KLHL13: variants seen among roughly 807,000 people sequenced by gnomAD.
KLHL13 encodes kelch-like protein 13.
Under a neutral mutation model 37.1 loss-of-function variants are expected in KLHL13, and 10 were observed. The observed-to-expected ratio is 0.27, with a 90% CI of 0.17 to 0.46. The LOEUF is 0.46. KLHL13 is among the 20% of genes least tolerant of loss of function. The probability of loss-of-function intolerance (pLI) is 1.00; values close to 1 mark genes in which losing one functional copy is unlikely to be tolerated. For missense variants in KLHL13, 360 were observed against 509.3 expected (o/e 0.71, Z 2.82); for synonymous variants, 163 against 181.2 (o/e 0.90, Z 0.81).
intron 5 of KLHL13, among the ~76,000 whole-genome samples, chrX:117,903,175 AGAGC>A (rs1309543387): frequency 5.5e-4 from 53 of 96,692 alleles, no homozygotes; most frequent in African/African-American, 9.2e-4. Flanking sequence ...GAGAGAGAGG[AGAGC>A]GAGAGAGAGA....
chrX:118,085,842 T>C (rs1432772902), intron 1 of KLHL13, among the ~76,000 whole-genome samples: 1 of 101,967 alleles, frequency 9.8e-6, no homozygotes, highest in Non-Finnish European at 2.0e-5. Context: ...TGTGTGTGTG[T>C]ATCATATATT....
chrX:118,031,488 T>TATATTTAGATATATATATAGATATAC (rs2054341165), intron 1 of KLHL13, among the ~76,000 whole-genome samples: 1 of 94,639 alleles, frequency 1.1e-5, no homozygotes, highest in Non-Finnish European at 2.0e-5. Flanking sequence ...TATAGATATA[T>TATATTTAGATATATATATAGATATAC]ATATTTAGAT....
At chrX:117,919,961 T>C (rs1931600057) in intron 3 of KLHL13, among the ~76,000 whole-genome samples, 1 of 100,884 alleles carries the variant, frequency 9.9e-6, no homozygotes, top group South Asian at 4.4e-4. Flanking sequence ...TTTTTTGACA[T>C]AGAGTAGAGA....
chrX:117,981,318 C>T (rs1013123160), intron 1 of KLHL13, among the ~76,000 whole-genome samples: 1 of 111,928 alleles, frequency 8.9e-6, no homozygotes, highest in Non-Finnish European at 1.9e-5. Flanking sequence ...GAAATCATTT[C>T]TTTTCCTTTA....
intron 2 of KLHL13, among the ~76,000 whole-genome samples, chrX:117,934,962 T>C (rs1932701390): frequency 8.9e-6 from 1 of 111,820 alleles, no homozygotes; most frequent in South Asian, 3.7e-4. Context: ...ATAATAATTT[T>C]AAAAAGACAG....
At chrX:118,089,630 GAAAGAAAGAA>G (rs1396036199) in intron 1 of KLHL13, among the ~76,000 whole-genome samples, 28 of 96,908 alleles carry the variant, frequency 2.9e-4, no homozygotes, top group Admixed American at 2.0e-3. Flanking sequence ...GAGAAAGAAA[GAAAGAAAGAA>G]AGAAAGAAAG....
chrX:118,080,915 G>A (rs184484703), intron 1 of KLHL13, among the ~76,000 whole-genome samples: 414 of 111,232 alleles, frequency 3.7e-3, no homozygotes, highest in South Asian at 0.014. Context: ...AGACAGCAAG[G>A]AATACTATGC....
intron 1 of KLHL13, among the ~76,000 whole-genome samples, chrX:118,098,508 A>T (rs1360818297): frequency 9.0e-6 from 1 of 111,157 alleles, no homozygotes; most frequent in Non-Finnish European, 1.9e-5. Context: ...ATGGTGGAAG[A>T]CAGTGTGGGG....
At chrX:118,089,059 C>A (rs1002154849) in intron 1 of KLHL13, among the ~76,000 whole-genome samples, 3 of 111,633 alleles carry the variant, frequency 2.7e-5, no homozygotes, top group Non-Finnish European at 3.8e-5. Context: ...AATATTAGGA[C>A]AGAAAATTTT....
chrX:117,917,777 T>C (rs6645417), intron 4 of KLHL13, among the ~76,000 whole-genome samples: 10,346 of 111,723 alleles, frequency 0.093, 445 homozygotes, highest in African/African-American at 0.16. Context: ...ACAATGTCTC[T>C]TGTTAATGAT....
intron 1 of KLHL13, among the ~76,000 whole-genome samples, chrX:118,031,279 A>G (rs1055518278): frequency 4.6e-5 from 5 of 108,146 alleles, no homozygotes; most frequent in South Asian, 3.9e-4. Flanking sequence ...ACAACTATCA[A>G]TGCTCCTACT....
At chrX:118,085,025 A>AAAT (rs767908903) in intron 1 of KLHL13, among the ~76,000 whole-genome samples, 95 of 109,480 alleles carry the variant, frequency 8.7e-4, no homozygotes, top group South Asian at 2.0e-3. Flanking sequence ...TCTGTCTAAA[A>AAAT]AATAATAATA....
At chrX:117,985,447 TA>T (rs555339137) in intron 1 of KLHL13, 53,354 of 558,706 alleles carry the variant, frequency 0.095, no homozygotes, top group East Asian at 0.13. Context: ...TTTATATATT[TA>T]AAAAAAAAAA....
chrX:118,072,739 A>T (rs943316907), intron 1 of KLHL13, among the ~76,000 whole-genome samples: 4 of 112,240 alleles, frequency 3.6e-5, no homozygotes, highest in Non-Finnish European at 7.5e-5. Flanking sequence ...TATGCAATAG[A>T]TCCACAAAAG....
At chrX:118,115,798 T>C (rs2055461647) in intron 1 of KLHL13, among the ~76,000 whole-genome samples, 1 of 112,408 alleles carries the variant, frequency 8.9e-6, no homozygotes, top group African/African-American at 3.2e-5. Flanking sequence ...GCTATTGTTC[T>C]TGGACTAAGT....
intron 1 of KLHL13, among the ~76,000 whole-genome samples, chrX:118,081,847 T>C (rs1602708009): frequency 1.8e-5 from 2 of 110,902 alleles, no homozygotes; most frequent in African/African-American, 6.6e-5. Context: ...TTTCCATGCC[T>C]GGCTTATTTC....
rs776974270 is a variant in KLHL13 at position 118,046,172 on chromosome X, A to T, written c.-56+70336T>A. On this transcript the variant is annotated intron_variant, in intron 1 of 6. Coordinates refer to the KLHL13 transcript ENST00000371882. The stretch of plus-strand genomic sequence containing the variant: ...ATCAACAGATGAATGGATAAAGAAG[A>T]TGTAGTACATATACACAATGGAGTA... Among the ~76,000 whole-genome samples, 56 of 112,874 alleles carry T rather than the reference A, an allele frequency of 5.0e-4. 1 individual carries two copies. The highest frequency in any genetic ancestry group is 4.5e-3 in the Admixed American group (48 of 10,716).
intron 1 of KLHL13, chrX:117,946,161 TTAG>T (rs1569422799): frequency 8.9e-6 from 1 of 111,790 alleles, no homozygotes; most frequent in African/African-American, 3.2e-5. Flanking sequence ...TCTTCTGTTA[TTAG>T]TAGTAGTTCT....
In KLHL13 at chrX:117,956,176, G is replaced by T. The variant is rs147257393; in HGVS notation, c.99-10601C>A. On this transcript the variant is annotated intron_variant, in intron 1 of 6. Transcript: ENST00000262820. ...ACTACCATAAGTGTTTATCCATGGT[G>T]CAGTAATTCTAAAGAAGGATTCATT... Among the ~76,000 whole-genome samples the T allele has an allele frequency of 9.2e-3, 1,030 of 111,902 alleles. 16 individuals are homozygous for T. The highest frequency in any genetic ancestry group is 0.031 in the African/African-American group (953 of 30,855).
Sources: gnomAD v4.1 joint callset for allele counts (sites outside exome capture counted in the v4.1 genomes callset) on GRCh38, gnomAD v4.1.1 for gene constraint, MANE v1.5 for transcripts, NCBI Gene and HGNC (gene_info 2026-07-23, HGNC 2026-07-21) for gene names.